The following ASCC3 variants were observed in gnomAD, a reference collection of about 807,000 sequenced individuals.
ASCC3 encodes activating signal cointegrator 1 complex subunit 3.
Under a neutral mutation model 256.3 loss-of-function variants are expected in ASCC3, and 158 were observed. The observed-to-expected ratio is 0.62, with a 90% CI of 0.54 to 0.70. ASCC3 has a LOEUF of 0.70. ASCC3 is among the 30% of genes least tolerant of loss of function. ASCC3 has a pLI of 0.00. For missense variants in ASCC3, 2,259 were observed against 2,626.0 expected, an observed-to-expected ratio of 0.86 and a Z score of 3.05; for synonymous variants, 948 against 883.4, an observed-to-expected ratio of 1.07 and a Z score of -1.30.
Position 100,642,621 on chromosome 6 carries a change from A to C in ASCC3, c.3861T>G (p.Phe1287Leu). Reference sequence around the variant, plus strand: ...GTCTCTCTGGTAGAATTAGATGTTGAAAGTTGATAATACATACTGCCTCAG... The same window carrying C: ...GTCTCTCTGGTAGAATTAGATGTTGCAAGTTGATAATACATACTGCCTCAG... Reference protein sequence around the residue: ...LGAEAVCIINFQHLILPERHP... With the variant: ...LGAEAVCIINLQHLILPERHP... The change falls in exon 24 of 42, where the codon TTT becomes TTG. Residue 1287 changes from phenylalanine to leucine, a missense_variant. Phe to Leu is a conservative substitution (Grantham distance 22). This residue lies in a region of ASCC3 where 1,839 missense variants were observed against 2,206.7 expected (regional missense o/e 0.83). Transcript: ENST00000369162. The C allele has an allele frequency of 6.2e-7, 1 of 1,613,974 alleles. No homozygotes were observed.
chr6:100,607,111 A>G (rs1200288229), intron 30 of ASCC3, 23 bp from the exon 31 acceptor site: 1 of 1,611,186 alleles, frequency 6.2e-7, no homozygotes, highest in East Asian at 2.2e-5. Flanking sequence ...ACAAAATTAC[A>G]AGATGTAGAT....
intron 30 of ASCC3, among the ~76,000 whole-genome samples, chr6:100,612,126 AC>A (rs1773430446): frequency 6.6e-6 from 1 of 152,040 alleles, no homozygotes; most frequent in Non-Finnish European, 1.5e-5. Flanking sequence ...TGAACCATTT[AC>A]TTTAACTTAA....
intron 4 of ASCC3, among the ~76,000 whole-genome samples, chr6:100,844,367 G>A (rs1772292339): frequency 6.6e-6 from 1 of 151,672 alleles, no homozygotes; most frequent in South Asian, 2.1e-4. Context: ...TACATAACAG[G>A]CACTTAAAAC....
At chr6:100,840,938 G>GA (rs1254320874) in intron 4 of ASCC3, among the ~76,000 whole-genome samples, 43 of 148,528 alleles carry the variant, frequency 2.9e-4, no homozygotes, top group Admixed American at 1.5e-3. Context: ...TCACTATACT[G>GA]AAAAAAAAAG....
chr6:100,563,781 TAATACACTGA>T, intron 36 of ASCC3, among the ~76,000 whole-genome samples: 1 of 152,158 alleles, frequency 6.6e-6, no homozygotes, highest in Non-Finnish European at 1.5e-5. Flanking sequence ...ATGTAAGTTA[TAATACACTGA>T]TAATCTAAAT....
intron 3 of ASCC3, among the ~76,000 whole-genome samples, chr6:100,852,842 C>A (rs1772750938): frequency 6.6e-6 from 1 of 152,132 alleles, no homozygotes; most frequent in South Asian, 2.1e-4. Flanking sequence ...ACCCACCTGG[C>A]ACTTCAACTG....
At chr6:100,653,494 T>G (rs1775769744) in intron 17 of ASCC3, among the ~76,000 whole-genome samples, 2 of 151,508 alleles carry the variant, frequency 1.3e-5, no homozygotes, top group South Asian at 2.1e-4. Flanking sequence ...AAAAATTAGC[T>G]GGGTATGGTG....
chr6:100,747,006 G>T (rs528940778), intron 10 of ASCC3, among the ~76,000 whole-genome samples: 9 of 152,078 alleles, frequency 5.9e-5, no homozygotes, highest in Non-Finnish European at 1.0e-4. Context: ...TGCAAAACAC[G>T]TATCCAACAA....
In ASCC3 at chr6:100,807,674, AAAC is replaced by A. The variant is rs752408812; in HGVS notation, c.802-1797_802-1795del. Among the ~76,000 whole-genome samples, 59 of 152,038 alleles carry A rather than the reference AAAC, an allele frequency of 3.9e-4. 4 individuals carry two copies. In the East Asian group the frequency reaches 4.6e-3, roughly 12 times the overall value. ...TTCACTGTCATACAAGCACAAATAC[AAAC>A]AACAACAACACAAAGCCAACTTCAC... On this transcript the variant is annotated intron_variant, in intron 4 of 41. Coordinates refer to ENST00000369162, the MANE Select transcript of ASCC3 (RefSeq NM_006828.4).
intron 36 of ASCC3, among the ~76,000 whole-genome samples, chr6:100,584,030 G>C (rs889782007): frequency 6.6e-6 from 1 of 151,996 alleles, no homozygotes; most frequent in African/African-American, 2.4e-5. Context: ...TTTGGAATAG[G>C]TGTGGTGTGG....
intron 13 of ASCC3, among the ~76,000 whole-genome samples, chr6:100,685,088 T>C (rs1195836262): frequency 6.6e-6 from 1 of 152,160 alleles, no homozygotes; most frequent in Non-Finnish European, 1.5e-5. Flanking sequence ...ATTACAGGCG[T>C]GAGCCACCAT....
intron 8 of ASCC3, among the ~76,000 whole-genome samples, chr6:100,784,911 T>C (rs1202094556): frequency 6.6e-6 from 1 of 152,116 alleles, no homozygotes; most frequent in Non-Finnish European, 1.5e-5. Context: ...CTAATGCTTT[T>C]GTAGTAATAC....
intron 10 of ASCC3, among the ~76,000 whole-genome samples, chr6:100,744,714 T>A (rs1780584517): frequency 6.6e-6 from 1 of 152,234 alleles, no homozygotes; most frequent in African/African-American, 2.4e-5. Context: ...ATATACACTC[T>A]GATTTTTCCA....
chr6:100,583,254 C>T (rs1285084103), intron 36 of ASCC3, among the ~76,000 whole-genome samples: 1 of 152,198 alleles, frequency 6.6e-6, no homozygotes, highest in Non-Finnish European at 1.5e-5. Flanking sequence ...ATTATTGCCA[C>T]AATTTCAAAT....
chr6:100,706,032 C>T (rs887904249), intron 13 of ASCC3, among the ~76,000 whole-genome samples: 1 of 151,726 alleles, frequency 6.6e-6, no homozygotes, highest in African/African-American at 2.4e-5. Context: ...TACACACATG[C>T]ACATAGTATA....
intron 8 of ASCC3, among the ~76,000 whole-genome samples, chr6:100,789,582 A>G (rs1191953703): frequency 1.3e-5 from 2 of 152,016 alleles, no homozygotes; most frequent in Non-Finnish European, 2.9e-5. Flanking sequence ...TGATTCATCT[A>G]TGTTTAATAA....
chr6:100,534,223 C>T lies in ASCC3; in HGVS notation c.5775+5940G>A, dbSNP rs544528200. On this transcript the variant is annotated intron_variant, in intron 37 of 41. Transcript: ENST00000369162. ...GTGTCACTGCACCCAGCCTGGGAGACAGAGCAAGATCCTGTTGCCCAGGCA... is the reference window on the plus strand; with the variant it reads ...GTGTCACTGCACCCAGCCTGGGAGATAGAGCAAGATCCTGTTGCCCAGGCA... Among the ~76,000 whole-genome samples the T allele has an allele frequency of 1.9e-3, 292 of 152,268 alleles. 1 individual carries two copies. The highest frequency in any genetic ancestry group is 3.3e-3 in the Non-Finnish European group (225 of 68,022).
chr6:100,549,403 C>T (rs1013326001), intron 36 of ASCC3, among the ~76,000 whole-genome samples: 11 of 151,908 alleles, frequency 7.2e-5, no homozygotes, highest in Non-Finnish European at 1.0e-4. Flanking sequence ...AAGAACTATA[C>T]GCTGACACAT....
At chr6:100,654,216 A>G in intron 17 of ASCC3, among the ~76,000 whole-genome samples, 1 of 151,926 alleles carries the variant, frequency 6.6e-6, no homozygotes, top group Non-Finnish European at 1.5e-5. Flanking sequence ...ACCATCAAAA[A>G]TATGCTAAAC....
Sources: gnomAD v4.1 joint callset for allele counts (sites outside exome capture counted in the v4.1 genomes callset) on GRCh38, gnomAD v4.1.1 for gene constraint, gnomAD v4.1.1 regional missense constraint, MANE v1.5 for transcripts, NCBI Gene and HGNC (gene_info 2026-07-23, HGNC 2026-07-21) for gene names.